Variants in KLHDC4 observed in about 807,000 individuals in gnomAD.
The protein encoded by KLHDC4 is kelch domain-containing protein 4.
Under a neutral mutation model 62.4 loss-of-function variants are expected in KLHDC4, and 90 were observed. The observed-to-expected ratio is 1.44, with a 90% confidence interval of 1.22 to 1.72. The LOEUF is 1.72. Ranked by LOEUF, KLHDC4 falls within the 40% of genes most tolerant of loss-of-function variation. The probability of loss-of-function intolerance (pLI) is 0.00; values close to 1 mark genes in which losing one functional copy is unlikely to be tolerated. For missense variants in KLHDC4, 1,025 were observed against 699.7 expected (o/e 1.47, Z -5.25); for synonymous variants, 386 against 284.4 (o/e 1.36, Z -3.59).
intron 5 of KLHDC4, among the ~76,000 whole-genome samples, chr16:87,748,288 G>C (rs983703866): frequency 6.6e-6 from 1 of 152,190 alleles, no homozygotes; most frequent in Non-Finnish European, 1.5e-5. Flanking sequence ...ACTCGACACA[G>C]AAAGAACGTG....
intron 5 of KLHDC4, among the ~76,000 whole-genome samples, chr16:87,743,614 C>T (rs2042574414): frequency 2.0e-5 from 3 of 151,844 alleles, no homozygotes. Flanking sequence ...GTGGCGGGCG[C>T]CTGTAGTCCC....
intron 10 of KLHDC4, among the ~76,000 whole-genome samples, chr16:87,708,887 G>GT (rs1382645106): frequency 6.6e-6 from 1 of 152,270 alleles, no homozygotes; most frequent in Non-Finnish European, 1.5e-5. Context: ...AAGGGGACGT[G>GT]TGACTACGGC....
At chr16:87,731,307 A>T (rs1488231866) in intron 5 of KLHDC4, among the ~76,000 whole-genome samples, 1 of 151,682 alleles carries the variant, frequency 6.6e-6, no homozygotes, top group Non-Finnish European at 1.5e-5. Context: ...TCAAACCTCA[A>T]GTGATCTGCC....
At chr16:87,759,612 G>C (rs994066482) in intron 2 of KLHDC4, among the ~76,000 whole-genome samples, 10 of 151,800 alleles carry the variant, frequency 6.6e-5, no homozygotes, top group South Asian at 6.2e-4. Context: ...CGGGCGTGGT[G>C]GTGCATGCCT....
At chr16:87,710,986 T>G in intron 9 of KLHDC4, 1 of 509,932 alleles carries the variant, frequency 2.0e-6, no homozygotes, top group East Asian at 3.2e-5. Flanking sequence ...CCCGGGCACC[T>G]CAGCCCAGGG....
At chr16:87,734,518 G>A (rs1427565987) in intron 5 of KLHDC4, among the ~76,000 whole-genome samples, 5 of 152,142 alleles carry the variant, frequency 3.3e-5, no homozygotes, top group Admixed American at 6.5e-5. Flanking sequence ...CTGCTCAAAC[G>A]CGGGATCCCA....
chr16:87,749,275 G>T (rs2043524319), intron 4 of KLHDC4, among the ~76,000 whole-genome samples: 1 of 152,074 alleles, frequency 6.6e-6, no homozygotes, highest in African/African-American at 2.4e-5. Flanking sequence ...GTGTTTATGT[G>T]CCAGGCGCGG....
At chr16:87,743,418 G>T (rs572263097) in intron 5 of KLHDC4, among the ~76,000 whole-genome samples, 1 of 152,076 alleles carries the variant, frequency 6.6e-6, no homozygotes, top group South Asian at 2.1e-4. Context: ...TCTACTTCAG[G>T]CCATTTTAAA....
intron 7 of KLHDC4, among the ~76,000 whole-genome samples, chr16:87,714,946 A>G (rs1253180180): frequency 1.3e-5 from 2 of 152,320 alleles, no homozygotes; most frequent in East Asian, 3.9e-4. Flanking sequence ...CGCCTTCCAA[A>G]TAACACGACT....
At chr16:87,753,352 T>G (rs2044324131) in intron 4 of KLHDC4, among the ~76,000 whole-genome samples, 1 of 152,156 alleles carries the variant, frequency 6.6e-6, no homozygotes, top group Admixed American at 6.5e-5. Context: ...GGTGAAAAGA[T>G]GTCACTGACC....
intron 9 of KLHDC4, 23 bp downstream of exon 9, chr16:87,711,212 A>G (rs372880036): frequency 1.0e-4 from 169 of 1,612,800 alleles, no homozygotes; most frequent in Non-Finnish European, 1.3e-4. Flanking sequence ...ACCACGGCGC[A>G]TGCTACTCAG....
chr16:87,708,311 C>T (rs2035049858), intron 11 of KLHDC4, 39 bp downstream of exon 11: 2 of 1,364,562 alleles, frequency 1.5e-6, no homozygotes, highest in African/African-American at 1.5e-5. Flanking sequence ...TTCACGAACA[C>T]CCAGCAGCCG....
At chr16:87,739,421 T>C (rs865959614) in intron 5 of KLHDC4, among the ~76,000 whole-genome samples, 8 of 83,040 alleles carry the variant, frequency 9.6e-5, no homozygotes, top group Admixed American at 1.3e-4. Flanking sequence ...CACACCAGCA[T>C]CTCATCCATC....
chr16:87,710,742 C>T (rs2035632246), intron 9 of KLHDC4: 1 of 153,330 alleles, frequency 6.5e-6, no homozygotes, highest in South Asian at 2.1e-4. Context: ...CTCCTTGGCC[C>T]TTTCTGGGTC....
At chr16:87,727,092 G>A (rs2143000689) in intron 6 of KLHDC4, among the ~76,000 whole-genome samples, 168 bp from the exon 7 acceptor site, 1 of 152,250 alleles carries the variant, frequency 6.6e-6, no homozygotes, top group Non-Finnish European at 1.5e-5. Context: ...ACAGAAACGT[G>A]GCCGCTTTCC....
chr16:87,758,521 C>G (rs1330189311), intron 2 of KLHDC4, among the ~76,000 whole-genome samples: 1 of 152,104 alleles, frequency 6.6e-6, no homozygotes, highest in East Asian at 1.9e-4. Flanking sequence ...AGAAAGTTGA[C>G]CAGAAGTCAC....
At chr16:87,758,614 A>G (rs896488100) in intron 2 of KLHDC4, among the ~76,000 whole-genome samples, 3 of 152,184 alleles carry the variant, frequency 2.0e-5, no homozygotes, top group Non-Finnish European at 4.4e-5. Flanking sequence ...CCTGGGCTAC[A>G]ATGGAAGAAG....
Position 87,743,717 on chromosome 16 carries a change from G to A in KLHDC4, c.506+4956C>T, listed in dbSNP as rs1442648763. Among the ~76,000 whole-genome samples, 3 of 152,124 alleles carry A rather than the reference G, an allele frequency of 2.0e-5. No homozygotes were observed. The South Asian group carries it at 6.2e-4, about 32-fold the overall frequency. ...ATCAAACCACTGCACTCCAGCCTGG[G>A]AGACAGAGCGCGACACCGCCTCAAA... On this transcript the variant is annotated intron_variant, in intron 5 of 11. Coordinates refer to ENST00000270583, the MANE Select transcript of KLHDC4 (RefSeq NM_017566.4).
chr16:87,704,197 C>T (rs1338698989), downstream of KLHDC4, among the ~76,000 whole-genome samples: 1 of 152,262 alleles, frequency 6.6e-6, no homozygotes, highest in Non-Finnish European at 1.5e-5. Context: ...AGCGCGGGGT[C>T]TCGCCTCGTC....
Sources: gnomAD v4.1 joint callset for allele counts (sites outside exome capture counted in the v4.1 genomes callset) on GRCh38, gnomAD v4.1.1 for gene constraint, MANE v1.5 for transcripts, NCBI Gene and HGNC (gene_info 2026-07-23, HGNC 2026-07-21) for gene names.